ZFYVE28: variants seen among roughly 807,000 people sequenced by gnomAD.
The protein encoded by ZFYVE28 is lateral signaling target protein 2 homolog.
A neutral mutation model predicts 82.1 loss-of-function variants in ZFYVE28; 40 were observed. That is an observed-to-expected ratio of 0.49 (90% CI 0.38 to 0.63). ZFYVE28 has a LOEUF of 0.63. Ranked by LOEUF, ZFYVE28 falls within the 30% of genes least tolerant of loss-of-function variation. The pLI is 0.00. For missense variants in ZFYVE28, 1,321 were observed against 1,242.1 expected (o/e 1.06, Z -0.96); for synonymous variants, 612 against 546.1 (o/e 1.12, Z -1.68).
intron 8 of ZFYVE28, among the ~76,000 whole-genome samples, chr4:2,294,961 T>C (rs1372950496): frequency 2.3e-4 from 22 of 95,400 alleles, no homozygotes. Context: ...AAAAAATTAC[T>C]TAAAAAAAAA....
rs1726252145 is a variant in ZFYVE28, at chr4:2,362,158, A to G, written c.40-8085T>C. Among the ~76,000 whole-genome samples, 3 of 152,072 alleles carry G rather than the reference A, an allele frequency of 2.0e-5. No individual in the cohort carries two copies. Among genetic ancestry groups the G allele is most frequent in the Admixed American group, 2.0e-4 (3 of 15,266 alleles). Reference sequence around the variant, plus strand: ...AGACCCAGGTGTGTTTGCCTCCTAGATATCAGCAGATCTCCAGGAGACAGT... The same window carrying G: ...AGACCCAGGTGTGTTTGCCTCCTAGGTATCAGCAGATCTCCAGGAGACAGT... On this transcript the variant is annotated intron_variant, in intron 1 of 12. Coordinates refer to ENST00000290974, the MANE Select transcript of ZFYVE28 (RefSeq NM_020972.3). This position sits in a 1 kb window ranked among gnomAD's most constrained non-coding sequence, Gnocchi z 5.1.
intron 8 of ZFYVE28, among the ~76,000 whole-genome samples, chr4:2,293,265 C>T (rs1714008554): frequency 6.6e-6 from 1 of 152,060 alleles, no homozygotes; most frequent in South Asian, 2.1e-4. Context: ...TGTTTTCATT[C>T]GACGTTATAC....
intron 6 of ZFYVE28, chr4:2,329,188 A>G (rs967584778): frequency 1.5e-6 from 1 of 685,648 alleles, no homozygotes; most frequent in Non-Finnish European, 2.7e-6. Context: ...AATTGCACAG[A>G]ATCTGTAGAT....
At chr4:2,397,037 G>A (rs1408100852) in intron 1 of ZFYVE28, among the ~76,000 whole-genome samples, 2 of 152,230 alleles carry the variant, frequency 1.3e-5, no homozygotes, top group Non-Finnish European at 2.9e-5. Context: ...GACTGCCACG[G>A]CCGGGGATCA....
chr4:2,383,999 T>G (rs1728990398), intron 1 of ZFYVE28, among the ~76,000 whole-genome samples: 1 of 152,198 alleles, frequency 6.6e-6, no homozygotes, highest in African/African-American at 2.4e-5. Flanking sequence ...CACCCTGAAG[T>G]GTCTCCACTG....
intron 8 of ZFYVE28, chr4:2,287,637 C>T (rs1712960486): frequency 6.6e-6 from 1 of 152,298 alleles, no homozygotes; most frequent in Admixed American, 6.5e-5. Flanking sequence ...GGCCAGCAGA[C>T]ATCACAGATT....
intron 1 of ZFYVE28, among the ~76,000 whole-genome samples, chr4:2,368,122 C>G (rs2108901150): frequency 6.9e-6 from 1 of 144,542 alleles, no homozygotes. Flanking sequence ...GGCACGATGG[C>G]ACTTTGGTGC....
intron 1 of ZFYVE28, among the ~76,000 whole-genome samples, chr4:2,376,627 C>T (rs1728169584): frequency 6.6e-6 from 1 of 152,138 alleles, no homozygotes; most frequent in African/African-American, 2.4e-5. Context: ...CATCAGATCT[C>T]CTGAGAATTC....
intron 7 of ZFYVE28, among the ~76,000 whole-genome samples, chr4:2,313,746 A>C (rs1478873865): frequency 1.3e-5 from 2 of 151,982 alleles, no homozygotes. Context: ...ACGTGCCTGT[A>C]ATCAGGAGAA....
intron 1 of ZFYVE28, among the ~76,000 whole-genome samples, chr4:2,355,320 C>T (rs1725155360): frequency 8.4e-6 from 1 of 118,974 alleles, no homozygotes; most frequent in Non-Finnish European, 1.7e-5. Context: ...CTCACTCTGT[C>T]GCCCAGGCTG....
chr4:2,329,588 G>A (rs1720367651), intron 6 of ZFYVE28, among the ~76,000 whole-genome samples: 1 of 152,088 alleles, frequency 6.6e-6, no homozygotes, highest in Admixed American at 6.5e-5. Context: ...CCCTAAGAAA[G>A]GGTCAAAATG....
At chr4:2,403,754 C>T (rs1731455393) in intron 1 of ZFYVE28, among the ~76,000 whole-genome samples, 1 of 151,860 alleles carries the variant, frequency 6.6e-6, no homozygotes, top group Non-Finnish European at 1.5e-5. Flanking sequence ...CACCTGAGGT[C>T]AGGAATTCGA....
At chr4:2,375,732 G>A (rs1429378280) in intron 1 of ZFYVE28, among the ~76,000 whole-genome samples, 2 of 152,160 alleles carry the variant, frequency 1.3e-5, no homozygotes, top group Non-Finnish European at 2.9e-5. Context: ...CACACAAGGG[G>A]CATCCCACTG....
Position 2,332,421 on chromosome 4 carries a change from C to T in ZFYVE28, c.701+3284G>A, listed in dbSNP as rs1395364934. Among the ~76,000 whole-genome samples the T allele has an allele frequency of 6.6e-6, 1 of 152,170 alleles. No homozygotes were observed. The highest frequency in any genetic ancestry group is 2.4e-5 in the African/African-American group (1 of 41,434). On this transcript the variant is annotated intron_variant, in intron 6 of 12. Coordinates refer to ENST00000290974, the MANE Select transcript of ZFYVE28 (RefSeq NM_020972.3). This position sits in a 1 kb window ranked among gnomAD's most constrained non-coding sequence, Gnocchi z 4.7. ...TGCCTGCCACCTGCACAGCTCCCAC[C>T]TCTGGGCCGGCTGCCCTGGGGAGCC...
intron 1 of ZFYVE28, among the ~76,000 whole-genome samples, chr4:2,364,275 A>G (rs1335604078): frequency 6.6e-6 from 1 of 151,968 alleles, no homozygotes; most frequent in East Asian, 1.9e-4. Context: ...CCCCAGTCCC[A>G]CCTACCCCCT....
Position 2,300,003 on chromosome 4 carries a change from G to C in ZFYVE28, c.2051+4286C>G, listed in dbSNP as rs561027137. Among the ~76,000 whole-genome samples the C allele has an allele frequency of 1.3e-5, 2 of 152,224 alleles. No individual in the cohort carries two copies. Among genetic ancestry groups the C allele is most frequent in the Admixed American group, 1.3e-4 (2 of 15,298 alleles). Reference sequence around the variant, plus strand: ...TCATGAGATGGGGTCTTGCTATGTTGTCCAGGCTGGCCTTGAACTCCTGGC... The same window carrying C: ...TCATGAGATGGGGTCTTGCTATGTTCTCCAGGCTGGCCTTGAACTCCTGGC... On this transcript the variant is annotated intron_variant, in intron 8 of 12. Transcript: ENST00000290974. This position sits in a 1 kb window ranked among gnomAD's most constrained non-coding sequence, Gnocchi z 4.6.
rs1317200982 is a variant in ZFYVE28 at position 2,332,062 on chromosome 4, A to G, written c.701+3643T>C. Among the ~76,000 whole-genome samples, 1 of 152,122 alleles carries G rather than the reference A, an allele frequency of 6.6e-6. No individual in the cohort carries two copies. Among genetic ancestry groups the G allele is most frequent in the Non-Finnish European group, 1.5e-5 (1 of 67,996 alleles). On this transcript the variant is annotated intron_variant, in intron 6 of 12. Coordinates refer to ENST00000290974, the MANE Select transcript of ZFYVE28 (RefSeq NM_020972.3). This position sits in a 1 kb window ranked among gnomAD's most constrained non-coding sequence, Gnocchi z 4.7. ...GCCTGGCCCGCAGCTCATGCTTGGT[A>G]AATGTGGCATCACTGTTCTGACACT... is the stretch of plus-strand genomic sequence containing the variant.
chr4:2,355,484 G>A (rs1480206255), intron 1 of ZFYVE28, among the ~76,000 whole-genome samples: 2 of 149,806 alleles, frequency 1.3e-5, no homozygotes. Context: ...GTTTTACTAT[G>A]TTGGCCAGGC....
intron 1 of ZFYVE28, among the ~76,000 whole-genome samples, chr4:2,366,595 A>G (rs959346993): frequency 2.0e-5 from 3 of 152,220 alleles, no homozygotes; most frequent in Non-Finnish European, 4.4e-5. Context: ...AGCTCAGTGG[A>G]GTGTTCAGTG....
Sources: allele counts gnomAD v4.1 joint callset (sites outside exome capture counted in the v4.1 genomes callset), GRCh38; gene constraint gnomAD v4.1.1; non-coding constraint Gnocchi (gnomAD v3.1); transcripts MANE v1.5; gene names NCBI Gene and HGNC (gene_info 2026-07-23, HGNC 2026-07-21).